Variants in PPM1F observed in about 807,000 individuals in gnomAD.
The protein encoded by PPM1F is protein phosphatase, Mg2+/Mn2+ dependent 1F.
Under a neutral mutation model 35.5 loss-of-function variants are expected in PPM1F, and 17 were observed. That is an observed-to-expected ratio of 0.48 (90% CI 0.33 to 0.72). The LOEUF (loss-of-function observed/expected upper bound fraction) is 0.72, where lower values mean the gene tolerates loss of function less well. Among genes scored for constraint, PPM1F ranks in the 30% least tolerant of loss-of-function variants. The probability of loss-of-function intolerance (pLI) is 0.02; values close to 1 mark genes in which losing one functional copy is unlikely to be tolerated. For missense variants in PPM1F, 521 were observed against 613.0 expected, an observed-to-expected ratio of 0.85 and a Z score of 1.59; for synonymous variants, 241 against 255.5, an observed-to-expected ratio of 0.94 and a Z score of 0.54.
chr22:21,939,397 CCTT>C lies in PPM1F; in HGVS notation c.355+132_355+134del, dbSNP rs1387475253. 8.2e-7 allele frequency: 1 copy of C among 1,214,472 alleles called. No individual in the cohort carries two copies. Among genetic ancestry groups the C allele is most frequent in the African/African-American group, 1.5e-5 (1 of 65,834 alleles). The allele number at this position is 1,214,472 out of a possible 1,614,324, so 75.2% of individuals were successfully genotyped here. A position where few individuals can be genotyped will look rare whatever the true frequency, so the allele number is the denominator to read the frequency against. On this transcript the variant is annotated intron_variant, in intron 3 of 7. Transcript: ENST00000263212. The surrounding 1 kb of genome is among the most constrained non-coding windows in gnomAD (Gnocchi z 5.1). Reference sequence around the variant, plus strand: ...ACTGGGGCCGCAAGCCTTCTCTGCTCCTTGATTCTGCTGCCGTTGTGAGCGAGG... The same window carrying C: ...ACTGGGGCCGCAAGCCTTCTCTGCTCGATTCTGCTGCCGTTGTGAGCGAGG...
rs150901049 is a variant in PPM1F at position 21,934,420 on chromosome 22, C to T, written c.356-194G>A. ...AGAAATGTCTAGTTTGGCAACTTGC[C>T]CCTTGAAGTCTCCCATCCCACCATG... On this transcript the variant is annotated intron_variant, in intron 3 of 7. Coordinates refer to ENST00000263212, the MANE Select transcript of PPM1F (RefSeq NM_014634.4). 1.0e-3 allele frequency: 569 copies of T among 569,134 alleles called. 9 individuals are homozygous for T. In the East Asian group the frequency reaches 0.014, roughly 14 times the overall value. The allele number at this position is 569,134 out of a possible 1,614,324, so 35.3% of individuals were successfully genotyped here.
At chr22:21,938,274 G>A (rs1331945650) in intron 3 of PPM1F, 4 of 1,280,994 alleles carry the variant, frequency 3.1e-6, no homozygotes, top group Non-Finnish European at 4.1e-6. Flanking sequence ...GGCGGTGGCG[G>A]CGCCCCCTTG....
At chr22:21,925,712 G>A in intron 6 of PPM1F, 50 bp from the exon 7 acceptor site, 1 of 1,435,590 alleles carries the variant, frequency 7.0e-7, no homozygotes, top group Non-Finnish European at 9.5e-7. Flanking sequence ...GATGGGGCGT[G>A]AAGCCCCCTG....
chr22:21,923,495 GGTCAGAGGACCACGGT>G, intron 7 of PPM1F, 24 bp from the exon 8 acceptor site: 1 of 1,575,406 alleles, frequency 6.3e-7, no homozygotes, highest in Non-Finnish European at 8.6e-7. Flanking sequence ...GAAGAGCCCG[GGTCAGAGGACCACGGT>G]GTCCACAGCT....
chr22:21,936,395 A>G (rs560078130), intron 3 of PPM1F: 18 of 151,966 alleles, frequency 1.2e-4, no homozygotes, highest in Non-Finnish European at 2.6e-4. Flanking sequence ...TTCCTGAAGT[A>G]CACTTTCTTA....
intron 7 of PPM1F, among the ~76,000 whole-genome samples, chr22:21,924,299 C>A (rs898723883): frequency 1.4e-4 from 21 of 148,268 alleles, no homozygotes; most frequent in African/African-American, 5.2e-4. Context: ...TGGAGTTTCG[C>A]TCTTGTCGCC....
chr22:21,925,591 G>C lies in PPM1F; in HGVS notation c.963C>G (p.Thr321=), dbSNP rs141625687. ...SHMDCWRVNG[T]LAVSRAIGDV... is the part of the protein sequence containing the mutation. The stretch of plus-strand genomic sequence containing the variant: ...CACCGATGGCTCTGGAGACGGCCAG[G>C]GTCCCGTTGACTCTCCAGCAGTCCA... Residue 321 remains threonine, a synonymous_variant, in exon 7 of 8, where the codon ACC becomes ACG. Transcript: ENST00000263212. The C allele has an allele frequency of 1.6e-4, 257 of 1,613,718 alleles. No individual in the cohort carries two copies. The African/African-American group carries it at 3.2e-3, about 20-fold the overall frequency.
Position 21,923,306 on chromosome 22 carries a change from C to T in PPM1F, c.1151G>A (p.Gly384Asp). 3.1e-6 allele frequency: 5 copies of T among 1,613,522 alleles called. No homozygotes were observed. Among genetic ancestry groups the T allele is most frequent in the Non-Finnish European group, 4.2e-6 (5 of 1,179,922 alleles). The change falls in exon 8 of 8, where the codon GGC (glycine) becomes GAC (aspartate). Residue 384 changes from glycine to aspartate, a missense_variant. This residue lies in a region of PPM1F where 163 missense variants were observed against 169.6 expected (regional missense o/e 0.96). Coordinates refer to ENST00000263212, the MANE Select transcript of PPM1F (RefSeq NM_014634.4). ...CTCCTCGGCGACACGGAGCCCGCTG[C>T]CCTGCTGCCTGGTCAGGTGGCTCTG... ...LVQSHLTRQQGSGLRVAEELV... is the reference protein window; with the variant it reads ...LVQSHLTRQQDSGLRVAEELV...
chr22:21,946,485 C>CT (rs915732955), intron 1 of PPM1F: 1 of 156,740 alleles, frequency 6.4e-6, no homozygotes, highest in African/African-American at 2.4e-5. Flanking sequence ...CAGGAGGGCT[C>CT]TGAGGTGAGG....
chr22:21,920,115 T>C lies in PPM1F; in HGVS notation c.*2977A>G, dbSNP rs1356799400. On this transcript the variant is annotated 3_prime_UTR_variant, in exon 8 of 8. Transcript: ENST00000263212. ...TACGGTGCTGGCATGTGGAGCTCCA[T>C]TCTTCTCCAGCCCACTTAATTTTAA... is the stretch of plus-strand genomic sequence containing the variant. The C allele has an allele frequency of 2.0e-5, 3 of 152,238 alleles. No homozygotes were observed. Among genetic ancestry groups the C allele is most frequent in the Admixed American group, 1.3e-4 (2 of 15,280 alleles). The allele number at this position is 152,238 out of a possible 1,614,324, so 9.4% of individuals were successfully genotyped here.
chr22:21,938,321 G>T, intron 3 of PPM1F: 3 of 1,214,620 alleles, frequency 2.5e-6, no homozygotes, highest in Non-Finnish European at 3.2e-6. Flanking sequence ...AGCTGCCACC[G>T]GCCGGAAGCC....
chr22:21,931,429 A>C, intron 5 of PPM1F, 138 bp from the exon 6 acceptor site: 1 of 782,972 alleles, frequency 1.3e-6, no homozygotes, highest in South Asian at 2.1e-5. Flanking sequence ...TATGTGTATA[A>C]GCCAAAACTT....
intron 3 of PPM1F, chr22:21,938,185 C>A: frequency 7.7e-7 from 1 of 1,303,416 alleles, no homozygotes; most frequent in Non-Finnish European, 1.0e-6. Context: ...GGTGCCGGCG[C>A]AGCAACGCTC....
At chr22:21,926,654 G>A (rs1249649220) in intron 6 of PPM1F, among the ~76,000 whole-genome samples, 1 of 152,196 alleles carries the variant, frequency 6.6e-6, no homozygotes, top group African/African-American at 2.4e-5. Context: ...CCCTGACAGA[G>A]TGACGGAGGC....
intron 5 of PPM1F, 85 bp downstream of exon 5, chr22:21,933,306 G>T: frequency 7.8e-7 from 1 of 1,285,822 alleles, no homozygotes; most frequent in Non-Finnish European, 1.1e-6. Flanking sequence ...AGCACCACCA[G>T]CCCCTTTGGC....
chr22:21,933,965 C>T (rs575311162), intron 4 of PPM1F, 59 bp downstream of exon 4: 8 of 1,475,418 alleles, frequency 5.4e-6, no homozygotes, highest in African/African-American at 1.4e-5. Context: ...ACCTGGGGGG[C>T]CCCCACCCTC....
At chr22:21,932,465 C>T (rs761338653) in intron 5 of PPM1F, among the ~76,000 whole-genome samples, 1 of 152,186 alleles carries the variant, frequency 6.6e-6, no homozygotes, top group African/African-American at 2.4e-5. Flanking sequence ...AAGGTCTGTG[C>T]TCAGAGCGTG....
chr22:21,926,763 T>A (rs926900200), intron 6 of PPM1F, among the ~76,000 whole-genome samples: 5 of 152,096 alleles, frequency 3.3e-5, no homozygotes, highest in African/African-American at 1.2e-4. Flanking sequence ...CACCAGCCCT[T>A]CTAGTCCCCA....
chr22:21,923,512 G>A (rs758889611), intron 7 of PPM1F, 41 bp from the exon 8 acceptor site: 15 of 1,553,438 alleles, frequency 9.7e-6, no homozygotes, highest in Non-Finnish European at 1.3e-5. Context: ...GGACCACGGT[G>A]TCCACAGCTT....
Sources: allele counts gnomAD v4.1 joint callset (sites outside exome capture counted in the v4.1 genomes callset), GRCh38; gene constraint gnomAD v4.1.1; regional missense constraint gnomAD v4.1.1; non-coding constraint Gnocchi (gnomAD v3.1); transcripts MANE v1.5; gene names NCBI Gene and HGNC (gene_info 2026-07-23, HGNC 2026-07-21).